Variants in GNA15 observed in about 807,000 individuals in gnomAD.
GNA15 encodes the protein guanine nucleotide-binding protein subunit alpha-15.
In GNA15, 23 loss-of-function variants were observed where a neutral mutation model predicts 40.1. The observed-to-expected ratio is 0.57, with a 90% confidence interval of 0.41 to 0.81. The LOEUF (loss-of-function observed/expected upper bound fraction) is 0.81, where lower values mean the gene tolerates loss of function less well. GNA15 is among the 40% of genes least tolerant of loss of function. The probability of loss-of-function intolerance (pLI) is 0.00; values close to 1 mark genes in which losing one functional copy is unlikely to be tolerated. For missense variants in GNA15, 522 were observed against 515.8 expected (o/e 1.01, Z -0.12); for synonymous variants, 226 against 210.4 (o/e 1.07, Z -0.64).
At chr19:3,139,432 A>C (rs556674680) in intron 1 of GNA15, among the ~76,000 whole-genome samples, 37 of 152,022 alleles carry the variant, frequency 2.4e-4, no homozygotes, top group African/African-American at 8.2e-4. Flanking sequence ...AAAAAAAATA[A>C]ATAAATAAAA....
Position 3,151,588 on chromosome 19 carries a change from C to A in GNA15, c.486-119C>A. Reference sequence around the variant, plus strand: ...GGGCCATCTGCCAACTCCAGGGACCCCACCTCCACCCAGGGAGCTCTCCTC... The same window carrying A: ...GGGCCATCTGCCAACTCCAGGGACCACACCTCCACCCAGGGAGCTCTCCTC... On this transcript the variant is annotated intron_variant, in intron 3 of 6. Coordinates refer to ENST00000262958, the MANE Select transcript of GNA15 (RefSeq NM_002068.4). The surrounding 1 kb of genome is among the most constrained non-coding windows in gnomAD (Gnocchi z 5.0). 8.1e-7 allele frequency: 1 copy of A among 1,234,602 alleles called. No homozygotes were observed. Among genetic ancestry groups the A allele is most frequent in the East Asian group, 2.7e-5 (1 of 37,432 alleles). The allele number at this position is 1,234,602 out of a possible 1,614,324, so 76.5% of individuals were successfully genotyped here. A position where few individuals can be genotyped will look rare whatever the true frequency, so the allele number is the denominator to read the frequency against.
intron 4 of GNA15, among the ~76,000 whole-genome samples, chr19:3,153,300 G>A (rs1249703863): frequency 6.6e-6 from 1 of 151,976 alleles, no homozygotes; most frequent in African/African-American, 2.4e-5. Flanking sequence ...TGGATGGGTG[G>A]ATGAATGGGT....
chr19:3,158,263 C>T (rs1915074478), intron 6 of GNA15, among the ~76,000 whole-genome samples: 1 of 152,084 alleles, frequency 6.6e-6, no homozygotes, highest in African/African-American at 2.4e-5. Context: ...GATTCTCCTA[C>T]CTCAGCCTCC....
chr19:3,154,856 G>A (rs149819972), intron 4 of GNA15, among the ~76,000 whole-genome samples: 305 of 152,186 alleles, frequency 2.0e-3, no homozygotes, highest in Non-Finnish European at 2.7e-3. Context: ...GGCCAAGGAA[G>A]TGATTTTTAG....
intron 2 of GNA15, chr19:3,149,183 A>G: frequency 5.3e-6 from 1 of 189,382 alleles, no homozygotes; most frequent in Admixed American, 5.7e-5. Flanking sequence ...AGATGCACAC[A>G]AATAAGTGCA....
rs1295389922 is a variant in GNA15 at position 3,143,668 on chromosome 19, A to T, written c.146-4923A>T. ...ACCCTGTCTCAAAAATAATAATAAT[A>T]ATAAAAAATAAAAGCCCATAGGCTC... On this transcript the variant is annotated intron_variant, in intron 1 of 6. Coordinates refer to ENST00000262958, the MANE Select transcript of GNA15 (RefSeq NM_002068.4). Among the ~76,000 whole-genome samples, 3 of 151,882 alleles carry T rather than the reference A, an allele frequency of 2.0e-5. No individual in the cohort carries two copies. The East Asian group carries it at 5.8e-4, about 29-fold the overall frequency.
chr19:3,160,117 A>C (rs1474437232), intron 6 of GNA15, among the ~76,000 whole-genome samples: 1 of 152,188 alleles, frequency 6.6e-6, no homozygotes, highest in Non-Finnish European at 1.5e-5. Context: ...GAATTTGGGA[A>C]AGGTTGAGCT....
chr19:3,136,316 C>T lies in GNA15; in HGVS notation c.-135C>T. ...GGAAGTCTAGGTCCCTGGGGGGTGA[C>T]CCCCAAGGAAAAGGCAGCCTCCCTG... On this transcript the variant is annotated 5_prime_UTR_variant, in exon 1 of 7. Transcript: ENST00000262958. The surrounding 1 kb of genome is among the most constrained non-coding windows in gnomAD (Gnocchi z 4.9). 1 of 844,824 alleles carries T rather than the reference C, an allele frequency of 1.2e-6. No individual in the cohort carries two copies. Among genetic ancestry groups the T allele is most frequent in the Non-Finnish European group, 1.8e-6 (1 of 561,682 alleles). The allele number at this position is 844,824 out of a possible 1,614,324, so 52.3% of individuals were successfully genotyped here.
intron 6 of GNA15, among the ~76,000 whole-genome samples, chr19:3,160,436 A>T (rs1259719997): frequency 1.3e-5 from 2 of 152,206 alleles, no homozygotes; most frequent in African/African-American, 4.8e-5. Context: ...GACAGACTTC[A>T]GCCCAGGTGG....
rs114634127 is a variant in GNA15, at chr19:3,155,489, A to G, written c.615-334A>G. Among the ~76,000 whole-genome samples the G allele has an allele frequency of 3.8e-3, 573 of 152,108 alleles. 2 individuals carry two copies. The highest frequency in any genetic ancestry group is 0.013 in the African/African-American group (550 of 41,502). On this transcript the variant is annotated intron_variant, in intron 4 of 6. Transcript: ENST00000262958. The surrounding 1 kb of genome is among the most constrained non-coding windows in gnomAD (Gnocchi z 5.6). Reference sequence around the variant, plus strand: ...AACTGAGTTTTGGAGATGTTTGGCAATTTCCTCCGCCGGGTCGCCCAGCCA... The same window carrying G: ...AACTGAGTTTTGGAGATGTTTGGCAGTTTCCTCCGCCGGGTCGCCCAGCCA...
At position 3,159,182 on chromosome 19, in the gene GNA15, G is replaced by A. The variant is rs563715844; in HGVS notation, c.898+1301G>A. On this transcript the variant is annotated intron_variant, in intron 6 of 6. Coordinates refer to ENST00000262958, the MANE Select transcript of GNA15 (RefSeq NM_002068.4). Reference sequence around the variant, plus strand: ...TGGGATTACAGGTGCCCGCCAGAACGTCTGGCTAGTTTTTTGTATTTTTGG... The same window carrying A: ...TGGGATTACAGGTGCCCGCCAGAACATCTGGCTAGTTTTTTGTATTTTTGG... Among the ~76,000 whole-genome samples the A allele has an allele frequency of 2.0e-3, 300 of 147,048 alleles. 1 individual carries two copies. The South Asian group carries it at 0.024, about 12-fold the overall frequency.
intron 1 of GNA15, among the ~76,000 whole-genome samples, chr19:3,144,247 T>C (rs674680): frequency 0.19 from 29,580 of 151,918 alleles, 3,392 homozygotes; most frequent in African/African-American, 0.31. Context: ...CAATTCCCTC[T>C]GCTACTAGCC....
intron 1 of GNA15, chr19:3,142,353 C>T (rs1431477626): frequency 1.3e-5 from 2 of 152,156 alleles, no homozygotes; most frequent in Non-Finnish European, 2.9e-5. Context: ...TCACGCAGCT[C>T]TTCAGGCTTC....
At chr19:3,141,422 G>T (rs1484927458) in intron 1 of GNA15, among the ~76,000 whole-genome samples, 4 of 152,090 alleles carry the variant, frequency 2.6e-5, no homozygotes, top group African/African-American at 9.7e-5. Flanking sequence ...TTGAGACAGA[G>T]TCTTACTCTA....
At position 3,136,860 on chromosome 19, in the gene GNA15, G is replaced by C. The variant is rs1037387642; in HGVS notation, c.145+265G>C. On this transcript the variant is annotated intron_variant, in intron 1 of 6. Coordinates refer to ENST00000262958, the MANE Select transcript of GNA15 (RefSeq NM_002068.4). This position sits in a 1 kb window ranked among gnomAD's most constrained non-coding sequence, Gnocchi z 4.9. ...GTGTGGGGCATATACAATAGCAGACGTGGCTCTACCGGGCCCCTGCCGGGC... is the reference window on the plus strand; with the variant it reads ...GTGTGGGGCATATACAATAGCAGACCTGGCTCTACCGGGCCCCTGCCGGGC... Among the ~76,000 whole-genome samples the C allele has an allele frequency of 6.6e-6, 1 of 152,266 alleles. No individual in the cohort carries two copies. The highest frequency in any genetic ancestry group is 2.4e-5 in the African/African-American group (1 of 41,478).
At chr19:3,139,466 G>C (rs551765193) in intron 1 of GNA15, among the ~76,000 whole-genome samples, 2 of 151,870 alleles carry the variant, frequency 1.3e-5, no homozygotes, top group South Asian at 4.2e-4. Context: ...ATGGTGGTGC[G>C]CAACTGTAGT....
At chr19:3,149,559 TACAC>T (rs367687862) in intron 2 of GNA15, 112 of 157,096 alleles carry the variant, frequency 7.1e-4, no homozygotes, top group Non-Finnish European at 1.2e-3. Context: ...TGTACATCTA[TACAC>T]ACACACACAC....
chr19:3,148,507 G>C, intron 1 of GNA15, 84 bp from the exon 2 acceptor site: 1 of 1,354,900 alleles, frequency 7.4e-7, no homozygotes, highest in South Asian at 1.4e-5. Context: ...CTGGCGTGGA[G>C]TTGGGGGTGT....
At chr19:3,156,480 ACACACAGG>A (rs1324137020) in intron 5 of GNA15, among the ~76,000 whole-genome samples, 68 of 151,854 alleles carry the variant, frequency 4.5e-4, no homozygotes, top group African/African-American at 8.4e-4. Flanking sequence ...ACACACACGC[ACACACAGG>A]CACACAGGCA....
Sources: allele counts gnomAD v4.1 joint callset (sites outside exome capture counted in the v4.1 genomes callset), GRCh38; gene constraint gnomAD v4.1.1; non-coding constraint Gnocchi (gnomAD v3.1); transcripts MANE v1.5; gene names NCBI Gene and HGNC (gene_info 2026-07-23, HGNC 2026-07-21).